Variants in CNTN5 observed in about 807,000 individuals in gnomAD.
CNTN5 encodes contactin-5.
CNTN5 carries 77 observed loss-of-function variants against 129.1 expected under a neutral mutation model. That is an observed-to-expected ratio of 0.60 (90% confidence interval 0.50 to 0.72). The LOEUF (loss-of-function observed/expected upper bound fraction) is 0.72, where lower values mean the gene tolerates loss of function less well. Among genes scored for constraint, CNTN5 ranks in the 30% least tolerant of loss-of-function variants. CNTN5 has a pLI of 0.00. For missense variants in CNTN5, 1,478 were observed against 1,328.8 expected (o/e 1.11, Z -1.75); for synonymous variants, 509 against 465.6 (o/e 1.09, Z -1.20).
intron 15 of CNTN5, among the ~76,000 whole-genome samples, chr11:100,219,109 C>T (rs1303729550): frequency 6.6e-6 from 1 of 152,106 alleles, no homozygotes; most frequent in Non-Finnish European, 1.5e-5. Context: ...ATTGTGCTAT[C>T]AAATAACAGA....
chr11:99,121,882 T>C (rs1263097122), intron 1 of CNTN5, among the ~76,000 whole-genome samples: 4 of 151,674 alleles, frequency 2.6e-5, no homozygotes, highest in Admixed American at 1.3e-4. Flanking sequence ...TTTATAAAAG[T>C]AATTTTGAAT....
At chr11:99,337,085 C>G (rs945794807) in intron 2 of CNTN5, among the ~76,000 whole-genome samples, 2 of 152,052 alleles carry the variant, frequency 1.3e-5, no homozygotes, top group Non-Finnish European at 2.9e-5. Flanking sequence ...TAATTTTTCT[C>G]TATATCTTGT....
chr11:99,787,093 T>TCA (rs1945555620), intron 3 of CNTN5, among the ~76,000 whole-genome samples: 1 of 143,024 alleles, frequency 7.0e-6, no homozygotes, highest in Non-Finnish European at 1.5e-5. Flanking sequence ...ACTACATGTT[T>TCA]TTTTTTTGTT....
intron 9 of CNTN5, among the ~76,000 whole-genome samples, chr11:100,016,904 C>A (rs1179922107): frequency 6.6e-6 from 1 of 151,500 alleles, no homozygotes; most frequent in South Asian, 2.1e-4. Flanking sequence ...TGGTGCAGAA[C>A]AGGTTCCATG....
intron 9 of CNTN5, among the ~76,000 whole-genome samples, chr11:100,040,010 G>A (rs1328226804): frequency 6.6e-6 from 1 of 152,178 alleles, no homozygotes; most frequent in Non-Finnish European, 1.5e-5. Context: ...TGTTGCTGGT[G>A]AGGAGCTGCA....
At chr11:99,852,940 CTTAA>C (rs1349207464) in intron 6 of CNTN5, among the ~76,000 whole-genome samples, 1 of 152,108 alleles carries the variant, frequency 6.6e-6, no homozygotes, top group African/African-American at 2.4e-5. Context: ...TTAAATTTCA[CTTAA>C]TTGTGTCAGG....
chr11:100,315,774 G>T (rs955146283), intron 21 of CNTN5, among the ~76,000 whole-genome samples: 23 of 152,004 alleles, frequency 1.5e-4, no homozygotes, highest in African/African-American at 5.6e-4. Context: ...GTCAACATCC[G>T]CTTAGAACCA....
chr11:99,508,417 G>C (rs1946705252), intron 2 of CNTN5, among the ~76,000 whole-genome samples: 2 of 152,052 alleles, frequency 1.3e-5, no homozygotes, highest in Non-Finnish European at 2.9e-5. Flanking sequence ...TGGACACAGA[G>C]GGCCGGCTTT....
intron 13 of CNTN5, among the ~76,000 whole-genome samples, chr11:100,186,840 TAATTC>T (rs1410627472): frequency 6.6e-6 from 1 of 152,204 alleles, no homozygotes; most frequent in African/African-American, 2.4e-5. Flanking sequence ...AAGGAAGTAT[TAATTC>T]AATATTAAAT....
intron 3 of CNTN5, among the ~76,000 whole-genome samples, chr11:99,641,552 T>C (rs540851268): frequency 6.6e-6 from 1 of 152,088 alleles, no homozygotes; most frequent in Non-Finnish European, 1.5e-5. Flanking sequence ...AGCCACCCCA[T>C]CTTAGGAAGT....
chr11:99,493,166 A>G (rs1248322500), intron 2 of CNTN5, among the ~76,000 whole-genome samples: 2 of 152,308 alleles, frequency 1.3e-5, no homozygotes, highest in South Asian at 2.1e-4. Flanking sequence ...TTTAACTTAT[A>G]TAGTTGATGA....
At chr11:100,134,348 A>G (rs532985235) in intron 13 of CNTN5, among the ~76,000 whole-genome samples, 2 of 152,230 alleles carry the variant, frequency 1.3e-5, no homozygotes, top group East Asian at 1.9e-4. Context: ...TCTCGATGAA[A>G]TTCAGCCTCC....
At chr11:99,599,426 A>G (rs1950245812) in intron 3 of CNTN5, among the ~76,000 whole-genome samples, 2 of 152,140 alleles carry the variant, frequency 1.3e-5, no homozygotes, top group African/African-American at 4.8e-5. Flanking sequence ...TACATATTAT[A>G]TCTGTAAGAT....
At chr11:100,207,967 G>A (rs1948950033) in intron 15 of CNTN5, among the ~76,000 whole-genome samples, 1 of 152,020 alleles carries the variant, frequency 6.6e-6, no homozygotes, top group African/African-American at 2.4e-5. Flanking sequence ...CCACATTGCT[G>A]TTTCCAACCA....
chr11:99,715,275 A>G (rs1955171274), intron 3 of CNTN5, among the ~76,000 whole-genome samples: 1 of 151,874 alleles, frequency 6.6e-6, no homozygotes, highest in African/African-American at 2.4e-5. Flanking sequence ...TTATTTTTTT[A>G]AGACATTTTA....
chr11:99,931,128 T>A (rs998952833), intron 7 of CNTN5, among the ~76,000 whole-genome samples: 1 of 152,182 alleles, frequency 6.6e-6, no homozygotes, highest in African/African-American at 2.4e-5. Context: ...AACAGATACA[T>A]TTTGACATTA....
chr11:99,511,614 C>T (rs925514652), intron 2 of CNTN5, among the ~76,000 whole-genome samples: 26 of 151,796 alleles, frequency 1.7e-4, no homozygotes, highest in Admixed American at 1.4e-3. Context: ...CTTTCTGTCT[C>T]GTTGATCTGT....
chr11:99,199,510 G>A (rs1313999628), intron 1 of CNTN5, among the ~76,000 whole-genome samples: 3 of 152,192 alleles, frequency 2.0e-5, no homozygotes, highest in Non-Finnish European at 4.4e-5. Flanking sequence ...CGTCCTGTGG[G>A]TTAGCTGGAA....
intron 6 of CNTN5, among the ~76,000 whole-genome samples, chr11:99,893,547 T>C (rs1374669278): frequency 6.6e-6 from 1 of 152,132 alleles, no homozygotes; most frequent in Admixed American, 6.6e-5. Context: ...AGCACAATAA[T>C]ACCTAAAGCA....
Sources: gnomAD v4.1 joint callset for allele counts (sites outside exome capture counted in the v4.1 genomes callset) on GRCh38, gnomAD v4.1.1 for gene constraint, MANE v1.5 for transcripts, NCBI Gene and HGNC (gene_info 2026-07-23, HGNC 2026-07-21) for gene names.